Variants in UPK1B observed in about 807,000 individuals in gnomAD.
The protein encoded by UPK1B is uroplakin-1b.
A neutral mutation model predicts 34.2 loss-of-function variants in UPK1B; 28 were observed. That is an observed-to-expected ratio of 0.82 (90% CI 0.61 to 1.12). UPK1B has a LOEUF of 1.12. Among genes scored for constraint, UPK1B ranks in the 50% most tolerant of loss-of-function variants. The probability of loss-of-function intolerance (pLI) is 0.00; values close to 1 mark genes in which losing one functional copy is unlikely to be tolerated. For missense variants in UPK1B, 325 were observed against 320.9 expected, an observed-to-expected ratio of 1.01 and a Z score of -0.10; for synonymous variants, 81 against 110.4, an observed-to-expected ratio of 0.73 and a Z score of 1.67.
chr3:119,186,048 T>A (rs986385971), intron 1 of UPK1B, among the ~76,000 whole-genome samples: 1 of 152,192 alleles, frequency 6.6e-6, no homozygotes, highest in Non-Finnish European at 1.5e-5. Flanking sequence ...AGTTTCCTCA[T>A]CTGCAAAATG....
At chr3:119,189,456 C>T (rs2078034438) in intron 3 of UPK1B, among the ~76,000 whole-genome samples, 1 of 152,252 alleles carries the variant, frequency 6.6e-6, no homozygotes. Context: ...CAAACAGTCC[C>T]CATCCCAGAT....
chr3:119,203,407 C>T (rs945708656), intron 7 of UPK1B, among the ~76,000 whole-genome samples: 3 of 148,700 alleles, frequency 2.0e-5, no homozygotes, highest in South Asian at 2.1e-4. Context: ...ACCCAAATGC[C>T]CATCAGCAAT....
chr3:119,184,388 G>A lies in UPK1B; in HGVS notation c.-28-2326G>A, dbSNP rs187202353. On this transcript the variant is annotated intron_variant, in intron 1 of 7. Coordinates refer to ENST00000264234, the MANE Select transcript of UPK1B (RefSeq NM_006952.4). ...CCCTCCTTGTCCCCTTGATGTGCAC[G>A]GTCATTTTTCCTTTGAACCCACGCT... 2.3e-3 allele frequency among the ~76,000 whole-genome samples: 343 copies of A among 152,044 alleles called. 4 individuals carry two copies. Among genetic ancestry groups the A allele is most frequent in the South Asian group, 0.014 (66 of 4,820 alleles).
In UPK1B at chr3:119,173,644, T is replaced by C. The variant is rs760935595; in HGVS notation, c.-29+6T>C. 2.0e-5 allele frequency: 3 copies of C among 152,144 alleles called. No homozygotes were observed. The highest frequency in any genetic ancestry group is 6.5e-5 in the Admixed American group (1 of 15,276). 9.4% of individuals were successfully genotyped at this position (152,144 alleles called of 1,614,324 possible). On this transcript the variant is annotated splice_donor_region_variant and intron_variant, in intron 1 of 7. Transcript: ENST00000264234. ...GCGCAGAAAGAGGAGGCGCTGTGAG[T>C]AGACCGCTTTCCCTCTGCAGGGAAT...
intron 1 of UPK1B, among the ~76,000 whole-genome samples, chr3:119,184,832 T>C (rs1191185445): frequency 1.3e-5 from 2 of 152,162 alleles, no homozygotes; most frequent in Non-Finnish European, 2.9e-5. Context: ...ATTTGGCCTC[T>C]ACTGATTTCT....
In UPK1B at chr3:119,186,778, G is replaced by A; in HGVS notation, c.37G>A (p.Gly13Ser). Residue 13 changes from glycine (G) to serine (S), a missense_variant, in exon 2 of 8, where the codon GGC becomes AGC. Coordinates refer to ENST00000264234, the MANE Select transcript of UPK1B (RefSeq NM_006952.4). ...CAACTCAACTGTTCGTTGCTTCCAG[G>A]GCCTGCTGATTTTTGGAAATGTGAT... Reference protein sequence around the residue: ...KDNSTVRCFQGLLIFGNVIIG... With the variant: ...KDNSTVRCFQSLLIFGNVIIG... 1.2e-6 allele frequency: 2 copies of A among 1,614,066 alleles called. No individual in the cohort carries two copies. The highest frequency in any genetic ancestry group is 8.5e-7 in the Non-Finnish European group (1 of 1,179,984).
chr3:119,195,350 T>A (rs1189111739), intron 6 of UPK1B, among the ~76,000 whole-genome samples: 1 of 152,242 alleles, frequency 6.6e-6, no homozygotes, highest in African/African-American at 2.4e-5. Flanking sequence ...TACCAGCTCA[T>A]TAAATAATTG....
chr3:119,203,170 G>A (rs544604629), intron 7 of UPK1B, among the ~76,000 whole-genome samples: 144 of 151,754 alleles, frequency 9.5e-4, no homozygotes, highest in Non-Finnish European at 1.1e-3. Context: ...GTGAAACCCC[G>A]TCTCTACTAA....
intron 1 of UPK1B, among the ~76,000 whole-genome samples, chr3:119,177,941 G>C (rs952050491): frequency 1.3e-5 from 2 of 152,168 alleles, no homozygotes; most frequent in African/African-American, 4.8e-5. Context: ...GATAATTCTG[G>C]GTAAGAGAAG....
In UPK1B at chr3:119,199,141, G is replaced by A. The variant is rs2078080339; in HGVS notation, c.732+1G>A. 4.3e-6 allele frequency: 7 copies of A among 1,614,028 alleles called. No individual in the cohort carries two copies. Among genetic ancestry groups the A allele is most frequent in the Non-Finnish European group, 5.9e-6 (7 of 1,179,914 alleles). ...TGGATTTGCCATTCTCTGCTGGACT[G>A]TGAGTATTTCCCAGCACATATTTTA... On this transcript the variant is annotated splice_donor_variant, in intron 7 of 7. Transcript: ENST00000264234. LOFTEE classifies it high-confidence loss of function.
intron 7 of UPK1B, among the ~76,000 whole-genome samples, chr3:119,200,900 G>A (rs2078087830): frequency 6.6e-6 from 1 of 152,146 alleles, no homozygotes; most frequent in African/African-American, 2.4e-5. Flanking sequence ...ATTACACTAT[G>A]CAACAGACTG....
chr3:119,179,398 T>TA (rs71156734), intron 1 of UPK1B, among the ~76,000 whole-genome samples: 16,733 of 57,572 alleles, frequency 0.29, 3,722 homozygotes, highest in Non-Finnish European at 0.39. Flanking sequence ...TATATATATA[T>TA]TAATTCTAAG....
chr3:119,194,722 T>C (rs1462398433), intron 6 of UPK1B, among the ~76,000 whole-genome samples: 3 of 152,210 alleles, frequency 2.0e-5, no homozygotes, highest in Non-Finnish European at 4.4e-5. Context: ...TTGCTCTAGT[T>C]TTGCAAAATG....
chr3:119,188,770 G>A (rs769803090), intron 3 of UPK1B, among the ~76,000 whole-genome samples: 24 of 152,276 alleles, frequency 1.6e-4, no homozygotes, highest in Non-Finnish European at 2.9e-4. Context: ...TATGGAACAC[G>A]CCTCCAATCC....
rs776227161 is a variant in UPK1B at position 119,187,974 on chromosome 3, C to A, written c.269C>A (p.Ala90Glu). The A allele has an allele frequency of 6.2e-7, 1 of 1,614,100 alleles. No individual in the cohort carries two copies. The highest frequency in any genetic ancestry group is 1.3e-5 in the African/African-American group (1 of 75,018). Residue 90 changes from alanine to glutamate, a missense_variant and splice_region_variant, in exon 3 of 8, where the codon GCG becomes GAG. By Grantham distance (107) the Ala-to-Glu change is moderately radical. Coordinates refer to ENST00000264234, the MANE Select transcript of UPK1B (RefSeq NM_006952.4). ...AAGTCCAGCAGGAAAATTCTTCTGG[C>A]GGTAAGACCTCAAAATTCTCTGGAG... The part of the protein sequence containing the change: ...IMKSSRKILL[A>E]YFILMFIVYA...
intron 7 of UPK1B, among the ~76,000 whole-genome samples, chr3:119,201,777 TATGATGGAACTTCTCC>T: frequency 6.6e-6 from 1 of 152,206 alleles, no homozygotes. Flanking sequence ...AGCACACCTC[TATGATGGAACTTCTCC>T]ATGATGATGT....
chr3:119,195,087 G>C (rs542848226), intron 6 of UPK1B, among the ~76,000 whole-genome samples: 62 of 152,310 alleles, frequency 4.1e-4, no homozygotes, highest in African/African-American at 1.3e-3. Flanking sequence ...GAACTTAGAC[G>C]TAGAGATACT....
intron 5 of UPK1B, among the ~76,000 whole-genome samples, chr3:119,192,836 T>A (rs887851813): frequency 1.3e-5 from 2 of 152,218 alleles, no homozygotes; most frequent in Admixed American, 6.5e-5. Context: ...CACCTTAAAT[T>A]GTCTATCTTA....
At chr3:119,203,789 TA>T in intron 7 of UPK1B, 127 bp from the exon 8 acceptor site, 1 of 976,568 alleles carries the variant, frequency 1.0e-6, no homozygotes, top group Non-Finnish European at 1.5e-6. Flanking sequence ...TTAGAAGAAA[TA>T]AAAACAAACA....
Sources: allele counts gnomAD v4.1 joint callset (sites outside exome capture counted in the v4.1 genomes callset), GRCh38; gene constraint gnomAD v4.1.1; transcripts MANE v1.5; gene names NCBI Gene and HGNC (gene_info 2026-07-23, HGNC 2026-07-21).